The following KHSRP variants were observed in gnomAD, a reference collection of about 807,000 sequenced individuals.
KHSRP encodes far upstream element-binding protein 2.
KHSRP carries 13 observed loss-of-function variants against 94.9 expected under a neutral mutation model. That is an observed-to-expected ratio of 0.14 (90% CI 0.09 to 0.22). The LOEUF (loss-of-function observed/expected upper bound fraction) is 0.22, where lower values mean the gene tolerates loss of function less well. Among genes scored for constraint, KHSRP ranks in the 10% least tolerant of loss-of-function variants. The pLI, the probability that KHSRP is intolerant of heterozygous loss-of-function variation, is 1.00. For synonymous variants in KHSRP, 495 were observed against 401.4 expected, an observed-to-expected ratio of 1.23 and a Z score of -2.79; for missense variants, 710 against 1,010.0, an observed-to-expected ratio of 0.70 and a Z score of 4.03.
At position 6,419,933 on chromosome 19, in the gene KHSRP, C is replaced by T. The variant is rs187429050; in HGVS notation, c.547+140G>A. The T allele has an allele frequency of 8.8e-6, 6 of 681,044 alleles. No individual in the cohort carries two copies. In the East Asian group the frequency reaches 1.1e-4, roughly 12 times the overall value. The allele number at this position is 681,044 out of a possible 1,614,324, so 42.2% of individuals were successfully genotyped here. On this transcript the variant is annotated intron_variant, in intron 6 of 18. Transcript: ENST00000600480. ...AGTACTAGTGGAGTGAGATACTGCA[C>T]TGAGCCTGGTCCGTAGTAAGCACCA...
At chr19:6,416,081 A>G (rs1183133317) in intron 15 of KHSRP, among the ~76,000 whole-genome samples, 185 bp from the exon 16 acceptor site, 3 of 152,248 alleles carry the variant, frequency 2.0e-5, no homozygotes, top group Non-Finnish European at 2.9e-5. Context: ...GCTTGAGGAC[A>G]TGAAAGAAGC....
Position 6,418,142 on chromosome 19 carries a change from C to T in KHSRP, c.880-63G>A. 1 of 1,454,476 alleles carries T rather than the reference C, an allele frequency of 6.9e-7. No homozygotes were observed. Among genetic ancestry groups the T allele is most frequent in the South Asian group, 1.2e-5 (1 of 86,254 alleles). 90.1% of individuals were successfully genotyped at this position (1,454,476 alleles called of 1,614,324 possible). A position where few individuals can be genotyped will look rare whatever the true frequency, so the allele number is the denominator to read the frequency against. On this transcript the variant is annotated intron_variant, in intron 9 of 18. Coordinates refer to ENST00000600480, the MANE Select transcript of KHSRP (RefSeq NM_001366299.1). The surrounding 1 kb of genome is among the most constrained non-coding windows in gnomAD (Gnocchi z 4.3). ...CTGCTGCCCCACACCCCCCCACCTC[C>T]TCGGGGGTGCGGGCCTCAACTAAGG...
In KHSRP at chr19:6,419,380, C is replaced by T. The variant is rs1879541760; in HGVS notation, c.548-120G>A. On this transcript the variant is annotated intron_variant, in intron 6 of 18. Transcript: ENST00000600480. ...CACTTCTGTCCCATTCAGTGCCTGA[C>T]AGATCAGTTTACTTCCCCTAAACAC... is the stretch of plus-strand genomic sequence containing the variant. The T allele has an allele frequency of 7.0e-6, 6 of 862,084 alleles. No individual in the cohort carries two copies. The South Asian group carries it at 9.3e-5, about 13-fold the overall frequency. The allele number at this position is 862,084 out of a possible 1,614,324, so 53.4% of individuals were successfully genotyped here. A position where few individuals can be genotyped will look rare whatever the true frequency, so the allele number is the denominator to read the frequency against.
At chr19:6,422,936 C>T (rs1335614560) in intron 1 of KHSRP, among the ~76,000 whole-genome samples, 2 of 152,156 alleles carry the variant, frequency 1.3e-5, no homozygotes, top group Non-Finnish European at 2.9e-5. Context: ...TAAATTTGAG[C>T]AAAGCGATCA....
At position 6,415,415 on chromosome 19, in the gene KHSRP, T is replaced by C. The variant is rs780038001; in HGVS notation, c.1931A>G (p.Tyr644Cys). ...GTAGTACTCCTCCCAAGCCTTCGTGTAGTCCTGCTGTGGGGGTGCTCCGGG... is the reference window on the plus strand; with the variant it reads ...GTAGTACTCCTCCCAAGCCTTCGTGCAGTCCTGCTGTGGGGGTGCTCCGGG... ...QQPGAPPQQD[Y>C]TKAWEEYYKK... The change falls in exon 18 of 19, where the codon TAC becomes TGC. Residue 644 changes from tyrosine to cysteine, a missense_variant. By Grantham distance (194) the Tyr-to-Cys change is radical. Transcript: ENST00000600480. 1 of 1,590,582 alleles carries C rather than the reference T, an allele frequency of 6.3e-7. No individual in the cohort carries two copies. The highest frequency in any genetic ancestry group is 8.6e-7 in the Non-Finnish European group (1 of 1,168,716).
Position 6,418,670 on chromosome 19 carries a change from T to C in KHSRP, c.780+32A>G, listed in dbSNP as rs375384077. The C allele has an allele frequency of 1.2e-6, 2 of 1,613,714 alleles. No homozygotes were observed. The highest frequency in any genetic ancestry group is 1.7e-6 in the Non-Finnish European group (2 of 1,179,740). ...GTGGCGGTGGGGTGTGGCACACGGA[T>C]GCAGAGGAAGCTGCCCAGGTGCTGC... is the stretch of plus-strand genomic sequence containing the variant. On this transcript the variant is annotated intron_variant, in intron 8 of 18. Transcript: ENST00000600480. This position sits in a 1 kb window ranked among gnomAD's most constrained non-coding sequence, Gnocchi z 4.3.
At chr19:6,417,176 A>C in intron 11 of KHSRP, 89 bp from the exon 12 acceptor site, 1 of 1,000,388 alleles carries the variant, frequency 1.0e-6, no homozygotes, top group Non-Finnish European at 1.4e-6. Context: ...CGCAGACACC[A>C]CGCCGGCCTG....
In KHSRP at chr19:6,415,095, G is replaced by A. The variant is rs2092133359; in HGVS notation, c.2173C>T (p.Pro725Ser). The A allele has an allele frequency of 3.1e-6, 5 of 1,594,466 alleles. No homozygotes were observed. The highest frequency in any genetic ancestry group is 2.2e-5 in the South Asian group (2 of 90,582). Residue 725 changes from proline (P) to serine (S), a missense_variant, in exon 19 of 19, where the codon CCC becomes TCC. By Grantham distance (74) the Pro-to-Ser change is moderately conservative. Transcript: ENST00000600480. Reference protein sequence around the residue: ...HPPPPPFSFQPPATVHPALVG... With the variant: ...HPPPPPFSFQSPATVHPALVG... ...AAGGCAGGATGGACGGTGGCCGGGG[G>A]TTGGAAGGAGAAAGGAGGAGGAGGA...
At position 6,413,987 on chromosome 19, in the gene KHSRP, A is replaced by C; in HGVS notation, c.*1037T>G. 3.1e-5 allele frequency: 28 copies of C among 891,876 alleles called. No individual in the cohort carries two copies. The highest frequency in any genetic ancestry group is 3.5e-5 in the East Asian group (1 of 28,642). The allele number at this position is 891,876 out of a possible 1,614,324, so 55.2% of individuals were successfully genotyped here. A position where few individuals can be genotyped will look rare whatever the true frequency, so the allele number is the denominator to read the frequency against. On this transcript the variant is annotated 3_prime_UTR_variant, in exon 19 of 19. Coordinates refer to ENST00000600480, the MANE Select transcript of KHSRP (RefSeq NM_001366299.1). ...AGTCCCCCCCACCCTGCTTGCCGCG[A>C]GGGCTCCCCAGTACTCCCCACGGCA...
chr19:6,419,464 A>T (rs1038349723), intron 6 of KHSRP, among the ~76,000 whole-genome samples: 1 of 152,166 alleles, frequency 6.6e-6, no homozygotes, highest in African/African-American at 2.4e-5. Flanking sequence ...GGGAGGTAGG[A>T]CTTTAAGGGA....
chr19:6,415,421 T>C lies in KHSRP; in HGVS notation c.1925A>G (p.Gln642Arg), dbSNP rs746838403. The C allele has an allele frequency of 6.3e-7, 1 of 1,586,884 alleles. No homozygotes were observed. The highest frequency in any genetic ancestry group is 1.1e-5 in the South Asian group (1 of 87,302). The change falls in exon 18 of 19, where the codon CAG becomes CGG. Residue 642 changes from glutamine to arginine, a missense_variant. Physicochemically the swap from Gln to Arg is conservative, Grantham distance 43 (BLOSUM62 1). Around this residue, in one of 5 missense-constraint regions of KHSRP, gnomAD observed 292 missense variants for 340.5 expected, o/e 0.86. Transcript: ENST00000600480. ...QPQQPGAPPQQDYTKAWEEYY... is the reference protein window; with the variant it reads ...QPQQPGAPPQRDYTKAWEEYY... ...CTCCTCCCAAGCCTTCGTGTAGTCC[T>C]GCTGTGGGGGTGCTCCGGGCTGCTG...
rs931194380 is a variant in KHSRP, at chr19:6,417,710, G to A, written c.1081+29C>T. The A allele has an allele frequency of 2.5e-6, 4 of 1,593,362 alleles. No individual in the cohort carries two copies. In the African/African-American group the frequency reaches 4.0e-5, roughly 16 times the overall value. On this transcript the variant is annotated intron_variant, in intron 11 of 18. Transcript: ENST00000600480. ...TCCCAAAGAGGGTGGGGGTGCACTG[G>A]CCAGGGGCAGGGTGGGCCAGGCCCT...
chr19:6,419,155 C>T lies in KHSRP; in HGVS notation c.605+48G>A, dbSNP rs771960449. On this transcript the variant is annotated intron_variant, in intron 7 of 18. Coordinates refer to ENST00000600480, the MANE Select transcript of KHSRP (RefSeq NM_001366299.1). Reference sequence around the variant, plus strand: ...TTTCAATTCAAACGGACAGAGCAGGCTTCTGCCTGCCCCCCACATCACAAT... The same window carrying T: ...TTTCAATTCAAACGGACAGAGCAGGTTTCTGCCTGCCCCCCACATCACAAT... 57 of 1,525,440 alleles carry T rather than the reference C, an allele frequency of 3.7e-5. No homozygotes were observed. In the African/African-American group the frequency reaches 7.9e-4, roughly 21 times the overall value. The allele number at this position is 1,525,440 out of a possible 1,614,324, so 94.5% of individuals were successfully genotyped here. A position where few individuals can be genotyped will look rare whatever the true frequency, so the allele number is the denominator to read the frequency against.
rs1371553526 is a variant in KHSRP, at chr19:6,421,403, G to GC, written c.386-87dup. On this transcript the variant is annotated intron_variant, in intron 3 of 18. Transcript: ENST00000600480. ...CCTGCCCCGGGTCAGTGGGAGCTGA[G>GC]CCCGGCACCACGGTCCCCAGCCTGC... The GC allele has an allele frequency of 2.2e-6, 3 of 1,387,378 alleles. No individual in the cohort carries two copies. The African/African-American group carries it at 4.3e-5, about 20-fold the overall frequency. The allele number at this position is 1,387,378 out of a possible 1,614,324, so 85.9% of individuals were successfully genotyped here.
intron 2 of KHSRP, among the ~76,000 whole-genome samples, 177 bp from the exon 3 acceptor site, chr19:6,421,865 C>T (rs990663507): frequency 7.9e-5 from 12 of 152,214 alleles, no homozygotes; most frequent in Admixed American, 3.9e-4. Context: ...CCGCCAATTC[C>T]GCCACCAACG....
Position 6,414,185 on chromosome 19 carries a change from G to A in KHSRP, c.*839C>T, listed in dbSNP as rs529055591. 7.2e-5 allele frequency: 113 copies of A among 1,579,432 alleles called. No homozygotes were observed. The highest frequency in any genetic ancestry group is 8.9e-5 in the Non-Finnish European group (104 of 1,163,452). On this transcript the variant is annotated 3_prime_UTR_variant, in exon 19 of 19. Transcript: ENST00000600480. ...AGGGAAGGGTGGGAGACTAGGGGGC[G>A]GAAGAGAGGAGGGGCTGGAACACCG...
At chr19:6,421,808 C>G (rs2092196560) in intron 2 of KHSRP, 120 bp from the exon 3 acceptor site, 18 of 1,178,418 alleles carry the variant, frequency 1.5e-5, no homozygotes, top group Non-Finnish European at 2.2e-5. Flanking sequence ...TTAACAGGAG[C>G]TGAGACAGGA....
At position 6,420,497 on chromosome 19, in the gene KHSRP, G is replaced by A. The variant is rs766700935; in HGVS notation, c.426-26C>T. 46 of 1,610,960 alleles carry A rather than the reference G, an allele frequency of 2.9e-5. 1 individual carries two copies. In the South Asian group the frequency reaches 4.8e-4, roughly 17 times the overall value. On this transcript the variant is annotated intron_variant, in intron 4 of 18. Transcript: ENST00000600480. ...CTGTAAAGAGACACGCCAAAGGTCA[G>A]TCCTCAAGTGGGAAGGGAGGAGGAC...
chr19:6,418,137 A>C lies in KHSRP; in HGVS notation c.880-58T>G. On this transcript the variant is annotated intron_variant, in intron 9 of 18. Coordinates refer to ENST00000600480, the MANE Select transcript of KHSRP (RefSeq NM_001366299.1). This position sits in a 1 kb window ranked among gnomAD's most constrained non-coding sequence, Gnocchi z 4.3. Reference sequence around the variant, plus strand: ...GAGCCCTGCTGCCCCACACCCCCCCACCTCCTCGGGGGTGCGGGCCTCAAC... The same window carrying C: ...GAGCCCTGCTGCCCCACACCCCCCCCCCTCCTCGGGGGTGCGGGCCTCAAC... 1.4e-6 allele frequency: 2 copies of C among 1,462,492 alleles called. No individual in the cohort carries two copies. Among genetic ancestry groups the C allele is most frequent in the Non-Finnish European group, 1.9e-6 (2 of 1,048,506 alleles). The allele number at this position is 1,462,492 out of a possible 1,614,324, so 90.6% of individuals were successfully genotyped here. A position where few individuals can be genotyped will look rare whatever the true frequency, so the allele number is the denominator to read the frequency against.
Sources: allele counts gnomAD v4.1 joint callset (sites outside exome capture counted in the v4.1 genomes callset), GRCh38; gene constraint gnomAD v4.1.1; regional missense constraint gnomAD v4.1.1; non-coding constraint Gnocchi (gnomAD v3.1); transcripts MANE v1.5; gene names NCBI Gene and HGNC (gene_info 2026-07-23, HGNC 2026-07-21).